KMT2E: variants seen among roughly 807,000 people sequenced by gnomAD.
The protein encoded by KMT2E is histone reader KMT2E.
KMT2E carries 30 observed loss-of-function variants against 184.6 expected under a neutral mutation model. That is an observed-to-expected ratio of 0.16 (90% CI 0.12 to 0.22). The LOEUF is 0.22. KMT2E is among the 10% of genes least tolerant of loss of function. The probability of loss-of-function intolerance (pLI) is 1.00; values close to 1 mark genes in which losing one functional copy is unlikely to be tolerated. For missense variants in KMT2E, 2,023 were observed against 2,237.4 expected (o/e 0.90, Z 1.93); for synonymous variants, 815 against 776.5 (o/e 1.05, Z -0.82).
At chr7:105,080,956 T>C (rs1461288457) in intron 12 of KMT2E, among the ~76,000 whole-genome samples, 2 of 152,048 alleles carry the variant, frequency 1.3e-5, no homozygotes, top group African/African-American at 2.4e-5. Context: ...TGAGCCAAGA[T>C]TGCATCATTG....
At chr7:105,051,262 T>C (rs574581478) in intron 3 of KMT2E, among the ~76,000 whole-genome samples, 1 of 152,028 alleles carries the variant, frequency 6.6e-6, no homozygotes, top group East Asian at 1.9e-4. Context: ...CTTGGCTCAC[T>C]GCAACCTCCG....
Position 105,062,194 on chromosome 7 carries a change from A to T in KMT2E, c.102A>T (p.Val34=). 1 of 1,613,246 alleles carries T rather than the reference A, an allele frequency of 6.2e-7. No homozygotes were observed. Among genetic ancestry groups the T allele is most frequent in the Non-Finnish European group, 8.5e-7 (1 of 1,179,366 alleles). Residue 34 remains valine, a synonymous_variant, in exon 4 of 27, where the codon GTA becomes GTT. Transcript: ENST00000311117. ...EPESVEASPV[V]VEKSNSYPHQ... ...AATCCGTAGAAGCTAGCCCTGTGGTAGTTGAGAAATCCAACAGTTATCCCC... is the reference window on the plus strand; with the variant it reads ...AATCCGTAGAAGCTAGCCCTGTGGTTGTTGAGAAATCCAACAGTTATCCCC...
chr7:105,105,305 G>A (rs1281046242), intron 17 of KMT2E, 134 bp from the exon 18 acceptor site: 4 of 558,502 alleles, frequency 7.2e-6, no homozygotes, highest in Non-Finnish European at 8.9e-6. Context: ...CTGATATTTT[G>A]ATCACATATG....
At chr7:105,035,641 G>A (rs1304443788) in intron 1 of KMT2E, among the ~76,000 whole-genome samples, 3 of 151,138 alleles carry the variant, frequency 2.0e-5, no homozygotes, top group Non-Finnish European at 4.4e-5. Context: ...TGCTCTTGTC[G>A]CCCAGGCTGT....
At chr7:105,053,680 C>G (rs1796439537) in intron 3 of KMT2E, among the ~76,000 whole-genome samples, 1 of 151,964 alleles carries the variant, frequency 6.6e-6, no homozygotes, top group Non-Finnish European at 1.5e-5. Context: ...TTGAAACTAG[C>G]CTGGGCAACA....
intron 1 of KMT2E, among the ~76,000 whole-genome samples, chr7:105,019,266 G>T (rs979981082): frequency 1.3e-5 from 2 of 152,066 alleles, no homozygotes; most frequent in Admixed American, 6.5e-5. Context: ...AAAGCAGTTG[G>T]TCTTATATTT....
intron 8 of KMT2E, among the ~76,000 whole-genome samples, chr7:105,075,258 C>T (rs1797482327): frequency 6.7e-6 from 1 of 148,714 alleles, no homozygotes; most frequent in Admixed American, 6.8e-5. Flanking sequence ...TTATTTGGAT[C>T]TATATTGCTA....
intron 13 of KMT2E, among the ~76,000 whole-genome samples, chr7:105,085,148 C>A (rs1797914104): frequency 7.4e-6 from 1 of 134,374 alleles, no homozygotes; most frequent in Non-Finnish European, 1.5e-5. Context: ...TGAAAAAAAT[C>A]CATGTATAAC....
chr7:105,083,802 G>A (rs569022584), intron 13 of KMT2E, among the ~76,000 whole-genome samples: 1 of 152,150 alleles, frequency 6.6e-6, no homozygotes, highest in East Asian at 1.9e-4. Context: ...TTTCTTAATG[G>A]TGTCTGAGAA....
chr7:105,022,749 A>T (rs886158990), intron 1 of KMT2E, among the ~76,000 whole-genome samples: 13 of 152,102 alleles, frequency 8.5e-5, no homozygotes, highest in Admixed American at 7.2e-4. Flanking sequence ...TAAAAAAACT[A>T]ATTTTCTTCT....
chr7:105,093,012 T>C (rs996652159), intron 15 of KMT2E, among the ~76,000 whole-genome samples: 2 of 151,930 alleles, frequency 1.3e-5, no homozygotes, highest in Non-Finnish European at 2.9e-5. Context: ...ATGGGCAATA[T>C]AGCGAGACCT....
intron 13 of KMT2E, among the ~76,000 whole-genome samples, chr7:105,085,158 C>G (rs1381311929): frequency 7.5e-6 from 1 of 133,986 alleles, no homozygotes; most frequent in Non-Finnish European, 1.5e-5. Context: ...CCATGTATAA[C>G]TATAATGTGC....
At chr7:105,051,627 G>T (rs1796351772) in intron 3 of KMT2E, among the ~76,000 whole-genome samples, 1 of 148,926 alleles carries the variant, frequency 6.7e-6, no homozygotes, top group Non-Finnish European at 1.5e-5. Flanking sequence ...TTTTTGTTTT[G>T]TTTTGTTTTG....
rs572837439 is a variant in KMT2E, at chr7:105,026,325, G to T, written c.-189+11790G>T. On this transcript the variant is annotated intron_variant, in intron 1 of 26. Transcript: ENST00000311117. Reference sequence around the variant, plus strand: ...TAGGACTCTGCTAGATGAAATAAGAGATTTCAAGTGGTTCTGGAACATATC... The same window carrying T: ...TAGGACTCTGCTAGATGAAATAAGATATTTCAAGTGGTTCTGGAACATATC... 5.3e-5 allele frequency among the ~76,000 whole-genome samples: 8 copies of T among 152,256 alleles called. No individual in the cohort carries two copies. The South Asian group carries it at 8.3e-4, about 16-fold the overall frequency.
Position 105,113,461 on chromosome 7 carries a change from T to G in KMT2E, c.*128T>G. 3 of 1,053,724 alleles carry G rather than the reference T, an allele frequency of 2.8e-6. No individual in the cohort carries two copies. The highest frequency in any genetic ancestry group is 3.9e-6 in the Non-Finnish European group (3 of 764,914). 65.3% of individuals were successfully genotyped at this position (1,053,724 alleles called of 1,614,324 possible). Reference sequence around the variant, plus strand: ...ATAAAAAACACCAGTGCTCTTTCGTTGTATTTTTCTCATTTTTGCTTTTTA... The same window carrying G: ...ATAAAAAACACCAGTGCTCTTTCGTGGTATTTTTCTCATTTTTGCTTTTTA... On this transcript the variant is annotated 3_prime_UTR_variant, in exon 27 of 27. Coordinates refer to ENST00000311117, the MANE Select transcript of KMT2E (RefSeq NM_182931.3).
chr7:105,050,124 C>T (rs1192782919), intron 3 of KMT2E, among the ~76,000 whole-genome samples: 2 of 152,162 alleles, frequency 1.3e-5, no homozygotes, highest in Non-Finnish European at 2.9e-5. Context: ...CTCTAATCCT[C>T]TTAAGAGCAA....
intron 3 of KMT2E, among the ~76,000 whole-genome samples, chr7:105,041,979 C>A (rs1221094147): frequency 2.0e-5 from 3 of 152,042 alleles, no homozygotes; most frequent in Admixed American, 6.5e-5. Flanking sequence ...ACTGTCCTTG[C>A]ATTGTTTACA....
At chr7:105,032,837 AT>A (rs1795482800) in intron 1 of KMT2E, among the ~76,000 whole-genome samples, 3 of 152,248 alleles carry the variant, frequency 2.0e-5, no homozygotes, top group Admixed American at 6.5e-5. Context: ...ATTAATTACA[AT>A]AAGCTTTAAC....
chr7:105,109,453 C>T (rs907581256), intron 23 of KMT2E, among the ~76,000 whole-genome samples: 1 of 152,190 alleles, frequency 6.6e-6, no homozygotes, highest in African/African-American at 2.4e-5. Flanking sequence ...ACACACATAT[C>T]CTCTCCAAAG....
Sources: allele counts gnomAD v4.1 joint callset (sites outside exome capture counted in the v4.1 genomes callset), GRCh38; gene constraint gnomAD v4.1.1; transcripts MANE v1.5; gene names NCBI Gene and HGNC (gene_info 2026-07-23, HGNC 2026-07-21).